CD84: variants seen among roughly 807,000 people sequenced by gnomAD.
The protein encoded by CD84 is CD84 molecule, also known as SLAM family member 5.
Under a neutral mutation model 33.8 loss-of-function variants are expected in CD84, and 22 were observed. The observed-to-expected ratio is 0.65, with a 90% CI of 0.46 to 0.93. The LOEUF (loss-of-function observed/expected upper bound fraction) is 0.93, where lower values mean the gene tolerates loss of function less well. CD84 is among the 40% of genes least tolerant of loss of function. CD84 has a pLI of 0.00. For synonymous variants in CD84, 154 were observed against 145.2 expected, an observed-to-expected ratio of 1.06 and a Z score of -0.44; for missense variants, 400 against 397.6, an observed-to-expected ratio of 1.01 and a Z score of -0.05.
intron 2 of CD84, among the ~76,000 whole-genome samples, chr1:160,561,125 C>T: frequency 6.6e-6 from 1 of 152,140 alleles, no homozygotes; most frequent in Admixed American, 6.5e-5. Context: ...TAAAATTATT[C>T]CAAAAAATTG....
At chr1:160,569,872 C>A (rs950246254) in intron 1 of CD84, among the ~76,000 whole-genome samples, 1 of 152,122 alleles carries the variant, frequency 6.6e-6, no homozygotes. Context: ...GCTGGAGATA[C>A]AAATTAGGTT....
In CD84 at chr1:160,554,037, G is replaced by A. The variant is rs754004102; in HGVS notation, c.498C>T (p.Tyr166=). The A allele has an allele frequency of 9.3e-6, 15 of 1,614,070 alleles. No individual in the cohort carries two copies. Among genetic ancestry groups the A allele is most frequent in the Non-Finnish European group, 1.2e-5 (14 of 1,180,042 alleles). ...SVEKEEKNVT[Y]NWSPLGEEGN... ...CCTCTTCTCCCAGGGGACTCCAATT[G>A]TATGTCACATTCTTTTCTTCTTTCT... Residue 166 remains tyrosine (Y), a synonymous_variant, in exon 3 of 7, where the codon TAC becomes TAT. Transcript: ENST00000368054.
intron 1 of CD84, among the ~76,000 whole-genome samples, chr1:160,569,517 T>TAC (rs140655590): frequency 0.15 from 22,690 of 147,768 alleles, 1,957 homozygotes; most frequent in African/African-American, 0.22. Flanking sequence ...GGAAATAAGA[T>TAC]ACACACACAC....
intron 2 of CD84, among the ~76,000 whole-genome samples, chr1:160,555,550 G>C (rs1167153718): frequency 6.6e-6 from 1 of 152,168 alleles, no homozygotes; most frequent in Admixed American, 6.5e-5. Flanking sequence ...GGCTAGTAAA[G>C]GGTTACTAAA....
At position 160,553,374 on chromosome 1, in the gene CD84, C is replaced by T. The variant is rs1476411617; in HGVS notation, c.760+4G>A. 1.9e-6 allele frequency: 3 copies of T among 1,614,076 alleles called. No individual in the cohort carries two copies. The highest frequency in any genetic ancestry group is 2.5e-6 in the Non-Finnish European group (3 of 1,180,016). ...CCACATTTTACCTTCTGGGAAAATC[C>T]TACCTTGTCTTCTCTTGAACAAACG... On this transcript the variant is annotated splice_donor_region_variant and intron_variant, in intron 4 of 6. Coordinates refer to ENST00000368054, the MANE Select transcript of CD84 (RefSeq NM_003874.4).
chr1:160,561,464 C>T (rs891091263), intron 2 of CD84, among the ~76,000 whole-genome samples: 1 of 152,180 alleles, frequency 6.6e-6, no homozygotes, highest in African/African-American at 2.4e-5. Context: ...AATTCAACAT[C>T]ACTTCATGTT....
chr1:160,549,422 G>A (rs917626853), intron 6 of CD84, among the ~76,000 whole-genome samples: 3 of 152,160 alleles, frequency 2.0e-5, no homozygotes, highest in African/African-American at 7.2e-5. Flanking sequence ...AAGGACATAA[G>A]GCACAGGCAT....
At chr1:160,563,836 T>C (rs1470992106) in intron 2 of CD84, among the ~76,000 whole-genome samples, 1 of 152,202 alleles carries the variant, frequency 6.6e-6, no homozygotes, top group Non-Finnish European at 1.5e-5. Flanking sequence ...ATTTTACACT[T>C]ACAGCACATC....
At chr1:160,574,361 A>G (rs1373837441) in intron 1 of CD84, among the ~76,000 whole-genome samples, 2 of 152,148 alleles carry the variant, frequency 1.3e-5, no homozygotes, top group Non-Finnish European at 2.9e-5. Flanking sequence ...GATCCACAAA[A>G]TGGGGACCCA....
chr1:160,552,827 G>A lies in CD84; in HGVS notation c.760+551C>T, dbSNP rs1296595144. The A allele has an allele frequency of 4.3e-6, 4 of 926,890 alleles. No individual in the cohort carries two copies. The East Asian group carries it at 8.0e-5, about 18-fold the overall frequency. The allele number at this position is 926,890 out of a possible 1,614,324, so 57.4% of individuals were successfully genotyped here. ...GATTGGTGGGAAAAGGAAGTTCTTGGGTGGACATGGGATGTGGGTGAATCG... is the reference window on the plus strand; with the variant it reads ...GATTGGTGGGAAAAGGAAGTTCTTGAGTGGACATGGGATGTGGGTGAATCG... On this transcript the variant is annotated intron_variant, in intron 4 of 6. Coordinates refer to ENST00000368054, the MANE Select transcript of CD84 (RefSeq NM_003874.4).
intron 2 of CD84, among the ~76,000 whole-genome samples, chr1:160,562,707 A>G (rs1274753113): frequency 2.0e-5 from 3 of 152,158 alleles, no homozygotes; most frequent in African/African-American, 4.8e-5. Flanking sequence ...CAACAAAAGC[A>G]AAAATTGACA....
At chr1:160,569,973 T>C (rs1216079317) in intron 1 of CD84, among the ~76,000 whole-genome samples, 2 of 152,112 alleles carry the variant, frequency 1.3e-5, no homozygotes, top group African/African-American at 4.8e-5. Context: ...AATAATGTTT[T>C]AGTCATTGTA....
At chr1:160,575,771 C>T (rs1657961938) in intron 1 of CD84, among the ~76,000 whole-genome samples, 1 of 152,146 alleles carries the variant, frequency 6.6e-6, no homozygotes, top group South Asian at 2.1e-4. Flanking sequence ...TTTAGGAATA[C>T]TCCAGTAGCC....
chr1:160,573,198 T>C (rs986861388), intron 1 of CD84, among the ~76,000 whole-genome samples: 2 of 152,154 alleles, frequency 1.3e-5, no homozygotes, highest in Non-Finnish European at 2.9e-5. Flanking sequence ...ATATAGATTG[T>C]ATAAAGATTG....
At chr1:160,560,616 C>A (rs1346073105) in intron 2 of CD84, among the ~76,000 whole-genome samples, 3 of 152,004 alleles carry the variant, frequency 2.0e-5, no homozygotes, top group Non-Finnish European at 4.4e-5. Context: ...AACCCCAAAG[C>A]TAGCAGAAGA....
chr1:160,552,636 A>T, intron 4 of CD84: 2 of 1,087,682 alleles, frequency 1.8e-6, no homozygotes, highest in Non-Finnish European at 2.8e-6. Context: ...GCTTAGTCTT[A>T]ACCACTCTGT....
chr1:160,558,072 CAGAGAG>C (rs1180795760), intron 2 of CD84, among the ~76,000 whole-genome samples: 2 of 152,200 alleles, frequency 1.3e-5, no homozygotes, highest in African/African-American at 4.8e-5. Context: ...TTGGAGAGTC[CAGAGAG>C]TCTGGACAAG....
intron 1 of CD84, among the ~76,000 whole-genome samples, chr1:160,572,990 G>A (rs546101319): frequency 3.9e-5 from 6 of 152,102 alleles, no homozygotes; most frequent in African/African-American, 7.2e-5. Flanking sequence ...CCTTCCCAAT[G>A]CAATACACCT....
In CD84 at chr1:160,552,774, G is replaced by A. The variant is rs1056926828; in HGVS notation, c.760+604C>T. The stretch of plus-strand genomic sequence containing the variant: ...GACCCAAAGGAGAGTCAGGAACATG[G>A]AAGCAGAAGTTCCATGTTTTTTATT... On this transcript the variant is annotated intron_variant, in intron 4 of 6. Transcript: ENST00000368054. 45 of 1,501,652 alleles carry A rather than the reference G, an allele frequency of 3.0e-5. No homozygotes were observed. The Admixed American group carries it at 8.5e-4, about 28-fold the overall frequency. 93.0% of individuals were successfully genotyped at this position (1,501,652 alleles called of 1,614,324 possible).
Sources: allele counts gnomAD v4.1 joint callset (sites outside exome capture counted in the v4.1 genomes callset), GRCh38; gene constraint gnomAD v4.1.1; transcripts MANE v1.5; gene names NCBI Gene and HGNC (gene_info 2026-07-23, HGNC 2026-07-21).